Variants in GPC6 observed in about 807,000 individuals in gnomAD.
The protein encoded by GPC6 is glypican 6.
GPC6 carries 14 observed loss-of-function variants against 55.2 expected under a neutral mutation model. The observed-to-expected ratio is 0.25, with a 90% CI of 0.17 to 0.40. The LOEUF (loss-of-function observed/expected upper bound fraction) is 0.40, where lower values mean the gene tolerates loss of function less well. Among genes scored for constraint, GPC6 ranks in the 10% least tolerant of loss-of-function variants. The pLI is 1.00. For synonymous variants in GPC6, 278 were observed against 259.6 expected, an observed-to-expected ratio of 1.07 and a Z score of -0.68; for missense variants, 641 against 708.5, an observed-to-expected ratio of 0.90 and a Z score of 1.08.
intron 2 of GPC6, among the ~76,000 whole-genome samples, chr13:93,712,267 CT>C (rs1170523602): frequency 6.6e-6 from 1 of 151,708 alleles, no homozygotes; most frequent in Non-Finnish European, 1.5e-5. Flanking sequence ...TGCCAAGACA[CT>C]ATTGACAAAG....
chr13:94,046,820 A>G lies in GPC6; in HGVS notation c.877+18926A>G, dbSNP rs369651785. Among the ~76,000 whole-genome samples the G allele has an allele frequency of 2.0e-5, 3 of 152,126 alleles. No individual in the cohort carries two copies. The East Asian group carries it at 5.8e-4, about 29-fold the overall frequency. On this transcript the variant is annotated intron_variant, in intron 4 of 8. Coordinates refer to ENST00000377047, the MANE Select transcript of GPC6 (RefSeq NM_005708.5). ...TTGGGCAAGTTGCTTAAGATTTCTGAATCTTGTCTCATTAGTTAAAAGGTA... is the reference window on the plus strand; with the variant it reads ...TTGGGCAAGTTGCTTAAGATTTCTGGATCTTGTCTCATTAGTTAAAAGGTA...
chr13:94,009,870 C>G (rs1163875201), intron 3 of GPC6, among the ~76,000 whole-genome samples: 4 of 152,104 alleles, frequency 2.6e-5, no homozygotes, highest in Admixed American at 6.5e-5. Flanking sequence ...TGCTGAGGCT[C>G]AGGACATATT....
intron 2 of GPC6, among the ~76,000 whole-genome samples, chr13:93,610,074 A>G (rs1878401468): frequency 6.6e-6 from 1 of 152,192 alleles, no homozygotes; most frequent in Non-Finnish European, 1.5e-5. Flanking sequence ...GAAAGAAGTC[A>G]TTTACATTTT....
intron 3 of GPC6, among the ~76,000 whole-genome samples, chr13:93,907,506 G>T (rs1876734861): frequency 6.6e-6 from 1 of 151,936 alleles, no homozygotes; most frequent in Non-Finnish European, 1.5e-5. Context: ...ACAGTTTTGT[G>T]ACCGATTGTT....
intron 2 of GPC6, among the ~76,000 whole-genome samples, chr13:93,810,392 A>G (rs1342645493): frequency 6.6e-6 from 1 of 152,216 alleles, no homozygotes; most frequent in East Asian, 1.9e-4. Context: ...TAGAGGTTCA[A>G]GCATGTGATG....
chr13:93,338,806 A>G (rs1275700951), intron 1 of GPC6, among the ~76,000 whole-genome samples: 1 of 152,152 alleles, frequency 6.6e-6, no homozygotes. Flanking sequence ...ATATTTTACT[A>G]TATCAATATA....
At chr13:93,804,238 A>G in intron 2 of GPC6, among the ~76,000 whole-genome samples, 1 of 152,262 alleles carries the variant, frequency 6.6e-6, no homozygotes, top group South Asian at 2.1e-4. Flanking sequence ...TAAAATTTTA[A>G]ATGCTAAGTT....
chr13:94,015,199 G>A (rs1024083485), intron 3 of GPC6, among the ~76,000 whole-genome samples: 1 of 152,118 alleles, frequency 6.6e-6, no homozygotes, highest in African/African-American at 2.4e-5. Flanking sequence ...ACCCACACTG[G>A]TTATTATCTG....
chr13:94,330,892 G>A (rs1364455437), intron 6 of GPC6, among the ~76,000 whole-genome samples: 1 of 151,452 alleles, frequency 6.6e-6, no homozygotes, highest in African/African-American at 2.4e-5. Context: ...CCTTTTATGT[G>A]GTTTTCTTAA....
At chr13:93,448,503 T>G (rs922329085) in intron 1 of GPC6, among the ~76,000 whole-genome samples, 11 of 152,198 alleles carry the variant, frequency 7.2e-5, no homozygotes, top group Non-Finnish European at 1.5e-5. Flanking sequence ...TAGAAAGGCA[T>G]AGTGTAAGTT....
At chr13:94,053,341 T>C (rs1884020503) in intron 4 of GPC6, among the ~76,000 whole-genome samples, 1 of 152,176 alleles carries the variant, frequency 6.6e-6, no homozygotes, top group Non-Finnish European at 1.5e-5. Context: ...AACTCTGGAT[T>C]AGAGAGTTAG....
intron 1 of GPC6, among the ~76,000 whole-genome samples, chr13:93,302,268 T>G (rs1878707233): frequency 1.3e-5 from 2 of 152,166 alleles, no homozygotes; most frequent in Admixed American, 6.5e-5. Context: ...CCCTCTGTCA[T>G]TTTGATGGTA....
At chr13:93,472,579 C>G (rs904234471) in intron 1 of GPC6, among the ~76,000 whole-genome samples, 4 of 152,180 alleles carry the variant, frequency 2.6e-5, no homozygotes, top group Admixed American at 2.0e-4. Context: ...TGCCCGGAAG[C>G]TTGGAGATGC....
intron 3 of GPC6, among the ~76,000 whole-genome samples, chr13:93,899,711 C>T (rs962715861): frequency 6.6e-5 from 10 of 152,034 alleles, no homozygotes; most frequent in South Asian, 4.1e-4. Flanking sequence ...AATAAAAAGG[C>T]CTGAAGAGGT....
chr13:93,464,118 T>TA (rs1039108436), intron 1 of GPC6, among the ~76,000 whole-genome samples: 5 of 152,180 alleles, frequency 3.3e-5, no homozygotes, highest in Admixed American at 1.3e-4. Context: ...ACTTTATTGC[T>TA]AAAAAAATGA....
At chr13:94,183,875 G>A (rs1889080895) in intron 4 of GPC6, among the ~76,000 whole-genome samples, 1 of 152,148 alleles carries the variant, frequency 6.6e-6, no homozygotes, top group Non-Finnish European at 1.5e-5. Context: ...CCAGGGAGAA[G>A]GGGAGAACAA....
intron 2 of GPC6, among the ~76,000 whole-genome samples, chr13:93,596,696 GTA>G (rs1293988351): frequency 4.1e-5 from 6 of 145,088 alleles, no homozygotes; most frequent in African/African-American, 1.5e-4. Context: ...GTGTATATAA[GTA>G]TATATAAGTG....
chr13:94,034,379 A>G (rs559440747), intron 4 of GPC6, among the ~76,000 whole-genome samples: 5 of 152,272 alleles, frequency 3.3e-5, no homozygotes, highest in Non-Finnish European at 7.4e-5. Context: ...TATGTGATAC[A>G]ATAGGGTTAA....
intron 1 of GPC6, among the ~76,000 whole-genome samples, chr13:93,344,537 C>G (rs1231458150): frequency 6.6e-6 from 1 of 152,152 alleles, no homozygotes; most frequent in East Asian, 1.9e-4. Flanking sequence ...GCCCCATTTC[C>G]TCCTCTATAA....
Sources: allele counts gnomAD v4.1 joint callset (sites outside exome capture counted in the v4.1 genomes callset), GRCh38; gene constraint gnomAD v4.1.1; transcripts MANE v1.5; gene names NCBI Gene and HGNC (gene_info 2026-07-23, HGNC 2026-07-21).